WDR7: variants seen among roughly 807,000 people sequenced by gnomAD.
The protein encoded by WDR7 is WD repeat domain 7, also known as WD repeat-containing protein 7.
Under a neutral mutation model 169.4 loss-of-function variants are expected in WDR7, and 46 were observed. The ratio of observed to expected loss-of-function variants is 0.27; its 90% CI spans 0.21 to 0.35. The LOEUF is 0.35. Among genes scored for constraint, WDR7 ranks in the 10% least tolerant of loss-of-function variants. The probability of loss-of-function intolerance (pLI) is 1.00; values close to 1 mark genes in which losing one functional copy is unlikely to be tolerated. For synonymous variants in WDR7, 612 were observed against 666.8 expected (o/e 0.92, Z 1.27); for missense variants, 1,534 against 1,859.3 (o/e 0.83, Z 3.22).
At chr18:56,751,913 T>C (rs1189810474) in intron 14 of WDR7, among the ~76,000 whole-genome samples, 1 of 152,264 alleles carries the variant, frequency 6.6e-6, no homozygotes, top group Non-Finnish European at 1.5e-5. Context: ...TGCTATTGCA[T>C]ACTTTTATCT....
intron 13 of WDR7, among the ~76,000 whole-genome samples, chr18:56,725,555 C>T (rs2026429456): frequency 6.6e-6 from 1 of 151,946 alleles, no homozygotes; most frequent in Admixed American, 6.6e-5. Context: ...GGATATTAGC[C>T]CTTTGTCAGA....
At chr18:56,709,963 C>A (rs1262977090) in intron 12 of WDR7, among the ~76,000 whole-genome samples, 1 of 147,968 alleles carries the variant, frequency 6.8e-6, no homozygotes, top group Non-Finnish European at 1.5e-5. Flanking sequence ...ACCTGTTATT[C>A]TTCTACAATT....
At chr18:57,018,887 A>T (rs2048245903) in intron 26 of WDR7, among the ~76,000 whole-genome samples, 1 of 152,194 alleles carries the variant, frequency 6.6e-6, no homozygotes, top group Non-Finnish European at 1.5e-5. Context: ...GGAATGGACC[A>T]CTTTTTCCGA....
chr18:56,916,491 C>A (rs1298565971), intron 21 of WDR7, among the ~76,000 whole-genome samples: 1 of 152,020 alleles, frequency 6.6e-6, no homozygotes, highest in East Asian at 1.9e-4. Context: ...TGTATATGTG[C>A]CACATTTTCT....
chr18:56,838,385 T>C (rs923903804), intron 20 of WDR7, among the ~76,000 whole-genome samples: 6 of 152,212 alleles, frequency 3.9e-5, no homozygotes, highest in African/African-American at 1.2e-4. Flanking sequence ...CTCCTGCCCT[T>C]GAATAATGCA....
At chr18:56,686,063 T>C (rs759930302) in intron 6 of WDR7, 31 bp downstream of exon 6, 2 of 1,563,240 alleles carry the variant, frequency 1.3e-6, no homozygotes, top group South Asian at 2.4e-5. Context: ...GTGATTTCTC[T>C]GTTTTTATTC....
At chr18:56,687,101 C>T in intron 7 of WDR7, 127 bp downstream of exon 7, 2 of 906,502 alleles carry the variant, frequency 2.2e-6, no homozygotes, top group East Asian at 2.8e-5. Context: ...TTCATGTCTG[C>T]TTTTGATATC....
At chr18:56,976,363 A>G (rs1046151564) in intron 26 of WDR7, among the ~76,000 whole-genome samples, 5 of 152,238 alleles carry the variant, frequency 3.3e-5, no homozygotes, top group East Asian at 1.9e-4. Context: ...GACAACGGAA[A>G]GATTTAGTTT....
At chr18:56,792,772 A>ACACACACG (rs2044513158) in intron 19 of WDR7, among the ~76,000 whole-genome samples, 2 of 151,736 alleles carry the variant, frequency 1.3e-5, no homozygotes, top group African/African-American at 4.8e-5. Context: ...TTTAACACAC[A>ACACACACG]CACACACACA....
chr18:57,033,755 A>G (rs1370127666), downstream of WDR7: 1 of 151,932 alleles, frequency 6.6e-6, no homozygotes, highest in African/African-American at 2.4e-5. Context: ...CCTTCCGTAA[A>G]GATTGCTTCC....
intron 22 of WDR7, 151 bp downstream of exon 22, chr18:56,924,259 C>A: frequency 1.1e-6 from 1 of 901,666 alleles, no homozygotes; most frequent in Non-Finnish European, 1.6e-6. Flanking sequence ...TGAATATGGA[C>A]AATGAAAAGG....
chr18:56,914,416 A>T (rs191132443), intron 21 of WDR7, among the ~76,000 whole-genome samples: 1 of 152,218 alleles, frequency 6.6e-6, no homozygotes, highest in African/African-American at 2.4e-5. Flanking sequence ...GTAAATCTGC[A>T]CTTAAAATAG....
At chr18:56,752,233 A>G (rs961848664) in intron 14 of WDR7, among the ~76,000 whole-genome samples, 38 of 152,316 alleles carry the variant, frequency 2.5e-4, no homozygotes, top group African/African-American at 9.1e-4. Flanking sequence ...AGCCTGCAGG[A>G]TAAAGCCATG....
At chr18:56,912,891 T>G (rs1440133685) in intron 21 of WDR7, among the ~76,000 whole-genome samples, 2 of 152,012 alleles carry the variant, frequency 1.3e-5, no homozygotes, top group Non-Finnish European at 2.9e-5. Flanking sequence ...ATTTTTTTTT[T>G]TTTGAGACGG....
intron 26 of WDR7, among the ~76,000 whole-genome samples, chr18:57,015,531 CAG>C (rs1265748998): frequency 1.3e-5 from 2 of 152,120 alleles, no homozygotes; most frequent in African/African-American, 4.8e-5. Flanking sequence ...CCTTGCCTAA[CAG>C]AGCTGTCAGT....
intron 27 of WDR7, among the ~76,000 whole-genome samples, chr18:57,026,310 G>A (rs2048365763): frequency 2.0e-5 from 3 of 152,174 alleles, no homozygotes; most frequent in Non-Finnish European, 4.4e-5. Context: ...GTTATCAATT[G>A]ATAAAAAGGT....
chr18:56,868,749 GA>G (rs1435828524), intron 20 of WDR7, among the ~76,000 whole-genome samples: 1 of 152,068 alleles, frequency 6.6e-6, no homozygotes, highest in African/African-American at 2.4e-5. Context: ...ATGGAAATGC[GA>G]ATAATGGTCT....
intron 27 of WDR7, among the ~76,000 whole-genome samples, chr18:57,023,444 G>T: frequency 6.6e-6 from 1 of 152,338 alleles, no homozygotes; most frequent in South Asian, 2.1e-4. Context: ...AATTACTCAA[G>T]TGAGACTTAG....
At chr18:56,739,210 C>T (rs1026976721) in intron 14 of WDR7, among the ~76,000 whole-genome samples, 14 of 152,010 alleles carry the variant, frequency 9.2e-5, no homozygotes, top group Non-Finnish European at 1.8e-4. Flanking sequence ...TTCTTGGCCT[C>T]TTTCAGATTC....
Sources: allele counts gnomAD v4.1 joint callset (sites outside exome capture counted in the v4.1 genomes callset), GRCh38; gene constraint gnomAD v4.1.1; transcripts MANE v1.5; gene names NCBI Gene and HGNC (gene_info 2026-07-23, HGNC 2026-07-21).